The following AFF3 variants were observed in gnomAD, a reference collection of about 807,000 sequenced individuals.
AFF3 encodes the protein ALF transcription elongation factor 3.
In AFF3, 32 loss-of-function variants were observed where a neutral mutation model predicts 129.7. The observed-to-expected ratio is 0.25, with a 90% CI of 0.19 to 0.33. The LOEUF (loss-of-function observed/expected upper bound fraction) is 0.33. AFF3 is among the 10% of genes least tolerant of loss of function. The pLI is 1.00. For missense variants in AFF3, 1,373 were observed against 1,592.0 expected, an observed-to-expected ratio of 0.86 and a Z score of 2.34; for synonymous variants, 644 against 635.4, an observed-to-expected ratio of 1.01 and a Z score of -0.20.
chr2:99,855,730 C>T (rs1364117435), intron 7 of AFF3, among the ~76,000 whole-genome samples: 1 of 152,118 alleles, frequency 6.6e-6, no homozygotes, highest in Non-Finnish European at 1.5e-5. Flanking sequence ...AGCGTAACTC[C>T]CCAGTCCTTA....
chr2:100,108,161 G>A (rs978386419), intron 2 of AFF3, among the ~76,000 whole-genome samples: 1 of 151,624 alleles, frequency 6.6e-6, no homozygotes. Flanking sequence ...GAGGCTTCTT[G>A]GGTGTTTGTA....
At chr2:100,034,803 C>T (rs571908837) in intron 4 of AFF3, among the ~76,000 whole-genome samples, 10 of 152,244 alleles carry the variant, frequency 6.6e-5, no homozygotes, top group African/African-American at 2.2e-4. Context: ...TAAGTTCCCC[C>T]GGTTCCATCA....
At chr2:99,785,240 C>G (rs996692337) in intron 8 of AFF3, among the ~76,000 whole-genome samples, 1 of 152,192 alleles carries the variant, frequency 6.6e-6, no homozygotes, top group Admixed American at 6.5e-5. Context: ...ACCTCTATAA[C>G]AGAAAGCAAG....
At chr2:100,032,929 A>G (rs1233556251) in intron 4 of AFF3, among the ~76,000 whole-genome samples, 1 of 152,238 alleles carries the variant, frequency 6.6e-6, no homozygotes, top group East Asian at 1.9e-4. Flanking sequence ...TAATTACTAT[A>G]GATTTAAGTC....
At chr2:100,111,153 T>A (rs1185775457) in intron 2 of AFF3, among the ~76,000 whole-genome samples, 5 of 152,216 alleles carry the variant, frequency 3.3e-5, no homozygotes, top group African/African-American at 1.2e-4. Flanking sequence ...TCTGGACTTT[T>A]AGGAACAAAA....
chr2:99,624,974 C>CACACA (rs766939826), intron 13 of AFF3, among the ~76,000 whole-genome samples: 1 of 152,196 alleles, frequency 6.6e-6, no homozygotes, highest in Non-Finnish European at 1.5e-5. Flanking sequence ...ACACTTGACA[C>CACACA]ACACAAGATA....
At chr2:99,937,446 C>A (rs955001877) in intron 7 of AFF3, among the ~76,000 whole-genome samples, 1 of 152,084 alleles carries the variant, frequency 6.6e-6, no homozygotes, top group East Asian at 1.9e-4. Flanking sequence ...GTTGCCCAGG[C>A]TGGAGTGGAG....
intron 1 of AFF3, among the ~76,000 whole-genome samples, chr2:100,134,195 C>T (rs1692542038): frequency 6.6e-6 from 1 of 152,168 alleles, no homozygotes; most frequent in South Asian, 2.1e-4. Context: ...ACAGCTACTA[C>T]AGGGGATTAC....
rs1009111591 is a variant in AFF3 at position 99,547,226 on chromosome 2, C to T, written c.*4248G>A. ...AATATTCACAGAAATTGGTGGATGT[C>T]TTTTACGTACAACTCAACTTCTCTC... On this transcript the variant is annotated 3_prime_UTR_variant, in exon 25 of 25. Coordinates refer to ENST00000672756, the MANE Select transcript of AFF3 (RefSeq NM_001386135.1). The T allele has an allele frequency of 4.6e-6, 1 of 215,556 alleles. No homozygotes were observed. The highest frequency in any genetic ancestry group is 9.4e-6 in the Non-Finnish European group (1 of 106,750). The allele number at this position is 215,556 out of a possible 1,614,324, so 13.4% of individuals were successfully genotyped here.
intron 2 of AFF3, chr2:100,107,359 A>G: frequency 6.1e-6 from 6 of 985,426 alleles, no homozygotes; most frequent in South Asian, 9.4e-5. Context: ...CAAAACAAGC[A>G]CTTAATCTAG....
chr2:100,112,103 C>T (rs1172946394), intron 2 of AFF3, among the ~76,000 whole-genome samples: 1 of 152,200 alleles, frequency 6.6e-6, no homozygotes, highest in Non-Finnish European at 1.5e-5. Flanking sequence ...ATTGGTCCTC[C>T]ATATATTGAG....
At chr2:99,946,957 T>C (rs1387211497) in intron 7 of AFF3, among the ~76,000 whole-genome samples, 1 of 152,192 alleles carries the variant, frequency 6.6e-6, no homozygotes, top group South Asian at 2.1e-4. Flanking sequence ...TGTTAAAATG[T>C]GTCACTTATG....
chr2:99,638,288 G>C (rs1466091347), intron 13 of AFF3, among the ~76,000 whole-genome samples: 1 of 152,116 alleles, frequency 6.6e-6, no homozygotes, highest in Non-Finnish European at 1.5e-5. Context: ...TCAAACTCCT[G>C]ACCTCAGGTG....
intron 8 of AFF3, among the ~76,000 whole-genome samples, chr2:99,769,325 C>A (rs1683277953): frequency 6.6e-6 from 1 of 152,140 alleles, no homozygotes; most frequent in African/African-American, 2.4e-5. Flanking sequence ...TTTTCAACTC[C>A]AGAATTTCTG....
chr2:99,938,516 T>C (rs1247645713), intron 7 of AFF3, among the ~76,000 whole-genome samples: 1 of 152,166 alleles, frequency 6.6e-6, no homozygotes, highest in African/African-American at 2.4e-5. Flanking sequence ...ACCCAGACAT[T>C]TGGTAAATAC....
At chr2:100,118,632 T>A (rs1691822109) in intron 2 of AFF3, among the ~76,000 whole-genome samples, 1 of 152,144 alleles carries the variant, frequency 6.6e-6, no homozygotes, top group Non-Finnish European at 1.5e-5. Context: ...GGATTTTTTT[T>A]TTCTGGTCGT....
chr2:99,726,045 T>C (rs1679336526), intron 11 of AFF3, among the ~76,000 whole-genome samples: 1 of 152,134 alleles, frequency 6.6e-6, no homozygotes, highest in South Asian at 2.1e-4. Context: ...AAATTAAAAA[T>C]TAGTAACATT....
At chr2:100,034,981 G>A (rs913141593) in intron 4 of AFF3, among the ~76,000 whole-genome samples, 1 of 152,096 alleles carries the variant, frequency 6.6e-6, no homozygotes, top group African/African-American at 2.4e-5. Flanking sequence ...ATTCCCCTGG[G>A]GATCCTCATG....
At chr2:99,751,405 T>A (rs891253107) in intron 9 of AFF3, among the ~76,000 whole-genome samples, 1 of 152,234 alleles carries the variant, frequency 6.6e-6, no homozygotes, top group Non-Finnish European at 1.5e-5. Flanking sequence ...AAAGCTGTGA[T>A]ATTGATATTT....
Sources: gnomAD v4.1 joint callset for allele counts (sites outside exome capture counted in the v4.1 genomes callset) on GRCh38, gnomAD v4.1.1 for gene constraint, MANE v1.5 for transcripts, NCBI Gene and HGNC (gene_info 2026-07-23, HGNC 2026-07-21) for gene names.